The following TMPRSS7 variants were observed in gnomAD, a reference collection of about 807,000 sequenced individuals.
TMPRSS7 encodes the protein transmembrane serine protease 7.
Under a neutral mutation model 95.6 loss-of-function variants are expected in TMPRSS7, and 81 were observed. That is an observed-to-expected ratio of 0.85 (90% CI 0.71 to 1.02). The LOEUF is 1.02. TMPRSS7 is among the 50% of genes least tolerant of loss of function. The probability of loss-of-function intolerance (pLI) is 0.00; values close to 1 mark genes in which losing one functional copy is unlikely to be tolerated. For synonymous variants in TMPRSS7, 364 were observed against 337.8 expected, an observed-to-expected ratio of 1.08 and a Z score of -0.85; for missense variants, 945 against 955.2, an observed-to-expected ratio of 0.99 and a Z score of 0.14.
At chr3:112,059,861 A>G (rs754529637) in intron 10 of TMPRSS7, among the ~76,000 whole-genome samples, 3 of 152,226 alleles carry the variant, frequency 2.0e-5, no homozygotes, top group Non-Finnish European at 4.4e-5. Context: ...TGATCCATGG[A>G]AGATGCCTGT....
chr3:112,062,994 G>A (rs762645616), intron 11 of TMPRSS7, among the ~76,000 whole-genome samples: 2 of 152,208 alleles, frequency 1.3e-5, no homozygotes, highest in Non-Finnish European at 2.9e-5. Context: ...TTCGAGGCCA[G>A]TAAGTAATCT....
rs865847220 is a variant in TMPRSS7, at chr3:112,078,766, A to G, written c.2249A>G (p.Gln750Arg). ...GATAATAAAGGCTCCCTCGTTCTGC[A>G]GCAAGCGGAGGTAGAGCTCATTGAT... The change falls in exon 17 of 18, where the codon CAG becomes CGG. Residue 750 changes from glutamine to arginine, a missense_variant. Coordinates refer to ENST00000452346, the Ensembl canonical transcript of TMPRSS7. 3.1e-6 allele frequency: 5 copies of G among 1,614,234 alleles called. No homozygotes were observed. In the African/African-American group the frequency reaches 4.0e-5, roughly 13 times the overall value.
At chr3:112,042,112 AG>A in intron 3 of TMPRSS7, 62 bp downstream of exon 3, 1 of 1,383,298 alleles carries the variant, frequency 7.2e-7, no homozygotes, top group Non-Finnish European at 1.0e-6. Flanking sequence ...TGGGGGATGA[AG>A]CTGGAGGGGA....
Position 112,078,788 on chromosome 3 carries a change from T to C in TMPRSS7, c.2271T>C (p.Ile757=), listed in dbSNP as rs2073743658. ...TGCAGCAAGCGGAGGTAGAGCTCAT[T>C]GATCAAACGCTCTGTGTTTCCACCT... The change falls in exon 17 of 18, where the codon ATT becomes ATC. Residue 757 remains isoleucine (I), a synonymous_variant. Transcript: ENST00000452346. The C allele has an allele frequency of 1.9e-6, 3 of 1,614,232 alleles. No homozygotes were observed. In the East Asian group the frequency reaches 6.7e-5, roughly 36 times the overall value.
chr3:112,047,423 C>T (rs1201849304), intron 6 of TMPRSS7: 7 of 568,692 alleles, frequency 1.2e-5, no homozygotes, highest in African/African-American at 7.4e-5. Flanking sequence ...CTGGGGCTGA[C>T]TCTCATTGTC....
chr3:112,074,314 G>T (rs2073687836), exon 14 of TMPRSS7: 2 of 1,613,698 alleles, frequency 1.2e-6, no homozygotes, highest in Non-Finnish European at 1.7e-6. Context: ...TGCAACAACA[G>T]AACTTTTAAG....
intron 13 of TMPRSS7, among the ~76,000 whole-genome samples, chr3:112,072,683 G>A (rs2073664875): frequency 1.3e-5 from 2 of 152,234 alleles, no homozygotes; most frequent in African/African-American, 4.8e-5. Context: ...AATGGCGGAC[G>A]CCCCTCCCTC....
exon 7 of TMPRSS7, chr3:112,047,868 T>C (rs769489591): frequency 9.3e-6 from 15 of 1,614,092 alleles, no homozygotes; most frequent in Non-Finnish European, 1.3e-5. Flanking sequence ...CTGATTCGTC[T>C]CTCAATCAAG....
intron 9 of TMPRSS7, 91 bp from the exon 10 acceptor site, chr3:112,056,934 T>C (rs7639303): frequency 1.6e-5 from 14 of 851,662 alleles, no homozygotes; most frequent in Non-Finnish European, 2.4e-5. Context: ...AGGGCGCAAG[T>C]AGAATGGCCT....
chr3:112,077,131 AAG>A lies in TMPRSS7; in HGVS notation c.2213_2214del (p.Arg738ThrfsTer5), dbSNP rs774913113. ...AGTGCTGGGTAACTGGCTGGGGGCGAAGACACGAAGCAGGTGTGTGTATGAAT... is the reference window on the plus strand; with the variant it reads ...AGTGCTGGGTAACTGGCTGGGGGCGAACACGAAGCAGGTGTGTGTATGAAT... On this transcript the variant is annotated frameshift_variant, in exon 16 of 18. Transcript: ENST00000452346. LOFTEE classifies it high-confidence loss of function. The A allele has an allele frequency of 1.4e-5, 22 of 1,613,918 alleles. No homozygotes were observed. The highest frequency in any genetic ancestry group is 1.9e-5 in the Non-Finnish European group (22 of 1,179,988).
chr3:112,080,953 G>A (rs758086128), exon 18 of TMPRSS7: 2 of 1,613,932 alleles, frequency 1.2e-6, no homozygotes, highest in Non-Finnish European at 1.7e-6. Flanking sequence ...AAGAAAAAGT[G>A]ATGGAAAATG....
intron 12 of TMPRSS7, among the ~76,000 whole-genome samples, chr3:112,064,862 A>G (rs1478748887): frequency 2.6e-5 from 4 of 152,186 alleles, no homozygotes; most frequent in Non-Finnish European, 1.5e-5. Context: ...AGGACAATTC[A>G]CTGGACTATG....
Position 112,061,971 on chromosome 3 carries a change from G to A in TMPRSS7, c.1447+48G>A, listed in dbSNP as rs538770557. Reference sequence around the variant, plus strand: ...AGGAAAACTTAATACTTACATAGAGGATAACATTTTATAATTCCAAACCGT... The same window carrying A: ...AGGAAAACTTAATACTTACATAGAGAATAACATTTTATAATTCCAAACCGT... On this transcript the variant is annotated intron_variant, in intron 11 of 17. Transcript: ENST00000452346. 11 of 1,421,808 alleles carry A rather than the reference G, an allele frequency of 7.7e-6. No homozygotes were observed. The African/African-American group carries it at 1.4e-4, about 19-fold the overall frequency. 88.1% of individuals were successfully genotyped at this position (1,421,808 alleles called of 1,614,324 possible). A position where few individuals can be genotyped will look rare whatever the true frequency, so the allele number is the denominator to read the frequency against.
At chr3:112,044,226 C>A in intron 3 of TMPRSS7, 29 bp from the exon 4 acceptor site, 1 of 1,461,002 alleles carries the variant, frequency 6.8e-7, no homozygotes, top group Non-Finnish European at 9.4e-7. Context: ...GTATGAAATA[C>A]TTCAGATACC....
chr3:112,039,999 G>A (rs1423159802), intron 2 of TMPRSS7, among the ~76,000 whole-genome samples: 3 of 152,170 alleles, frequency 2.0e-5, no homozygotes, highest in African/African-American at 7.2e-5. Context: ...TCCAGTTGGT[G>A]TCTGCAATGA....
chr3:112,052,710 G>A (rs920939994), intron 9 of TMPRSS7, among the ~76,000 whole-genome samples: 3 of 152,166 alleles, frequency 2.0e-5, no homozygotes, highest in Non-Finnish European at 4.4e-5. Context: ...TTACCTTCTT[G>A]AGCTTGTGTG....
intron 9 of TMPRSS7, among the ~76,000 whole-genome samples, chr3:112,054,729 C>CTT (rs1161735611): frequency 0.073 from 3,543 of 48,846 alleles, 1,398 homozygotes; most frequent in Non-Finnish European, 0.094. Context: ...TCTCAGTTTG[C>CTT]TTTTTTTTTT....
At chr3:112,037,341 AT>A (rs1046321017) in intron 1 of TMPRSS7, among the ~76,000 whole-genome samples, 1 of 152,236 alleles carries the variant, frequency 6.6e-6, no homozygotes, top group African/African-American at 2.4e-5. Context: ...GCAGTTGCAG[AT>A]AAGGGATGAA....
At chr3:112,054,586 C>T (rs2073406830) in intron 9 of TMPRSS7, among the ~76,000 whole-genome samples, 1 of 152,050 alleles carries the variant, frequency 6.6e-6, no homozygotes, top group African/African-American at 2.4e-5. Context: ...GGTAGTGTTA[C>T]ATATGAATCC....
Sources: allele counts gnomAD v4.1 joint callset (sites outside exome capture counted in the v4.1 genomes callset), GRCh38; gene constraint gnomAD v4.1.1; transcripts MANE v1.5; gene names NCBI Gene and HGNC (gene_info 2026-07-23, HGNC 2026-07-21).